The following RNF144A variants were observed in gnomAD, a reference collection of about 807,000 sequenced individuals.
The protein encoded by RNF144A is E3 ubiquitin-protein ligase RNF144A.
RNF144A carries 11 observed loss-of-function variants against 38.7 expected under a neutral mutation model. That is an observed-to-expected ratio of 0.28 (90% CI 0.18 to 0.47). RNF144A has a LOEUF of 0.47. Among genes scored for constraint, RNF144A ranks in the 20% least tolerant of loss-of-function variants. The probability of loss-of-function intolerance (pLI) is 0.99; values close to 1 mark genes in which losing one functional copy is unlikely to be tolerated. For synonymous variants in RNF144A, 149 were observed against 143.9 expected (o/e 1.04, Z -0.25); for missense variants, 316 against 377.2 (o/e 0.84, Z 1.34).
At chr2:6,984,942 G>C (rs1214057996) in intron 2 of RNF144A, among the ~76,000 whole-genome samples, 1 of 152,156 alleles carries the variant, frequency 6.6e-6, no homozygotes, top group African/African-American at 2.4e-5. Context: ...TCCCTCACTG[G>C]AAATGTAAAG....
chr2:6,985,132 A>G (rs1213781276), intron 2 of RNF144A, among the ~76,000 whole-genome samples: 2 of 152,236 alleles, frequency 1.3e-5, no homozygotes, highest in East Asian at 3.8e-4. Flanking sequence ...TTTGAAATAC[A>G]TAATTTTCTG....
intron 2 of RNF144A, among the ~76,000 whole-genome samples, chr2:6,974,879 A>G (rs575655790): frequency 6.6e-6 from 1 of 152,368 alleles, no homozygotes; most frequent in African/African-American, 2.4e-5. Flanking sequence ...GGTAATTTAT[A>G]CAATACTAAA....
the RNF144A span, among the ~76,000 whole-genome samples, chr2:7,074,253 G>A: frequency 6.6e-6 from 1 of 152,102 alleles, no homozygotes; most frequent in Non-Finnish European, 1.5e-5. Flanking sequence ...CTTACCACCA[G>A]GGCATGATAA....
chr2:7,056,501 C>G (rs309280), intron 6 of RNF144A, among the ~76,000 whole-genome samples: 42,102 of 152,082 alleles, frequency 0.28, 6,859 homozygotes, highest in South Asian at 0.43. Flanking sequence ...GTACTTCAGC[C>G]ACACACCAAC....
intron 2 of RNF144A, among the ~76,000 whole-genome samples, chr2:6,948,748 T>G (rs369020015): frequency 7.9e-5 from 12 of 152,178 alleles, no homozygotes; most frequent in African/African-American, 2.9e-4. Flanking sequence ...AGGATCCAGA[T>G]GGGTGTGGGC....
At chr2:7,015,212 T>C (rs1671059270) in intron 5 of RNF144A, among the ~76,000 whole-genome samples, 1 of 152,204 alleles carries the variant, frequency 6.6e-6, no homozygotes, top group Non-Finnish European at 1.5e-5. Context: ...AGTCCGATGG[T>C]AGGTGTCCTG....
intron 3 of RNF144A, among the ~76,000 whole-genome samples, chr2:7,013,417 C>T (rs114252989): frequency 0.023 from 3,546 of 152,280 alleles, 132 homozygotes; most frequent in African/African-American, 0.081. Flanking sequence ...GATGTCAGCT[C>T]AGCAAACATA....
intron 2 of RNF144A, among the ~76,000 whole-genome samples, chr2:6,980,505 T>C (rs1008792641): frequency 4.6e-5 from 7 of 152,260 alleles, no homozygotes; most frequent in Non-Finnish European, 8.8e-5. Flanking sequence ...TCATTACATC[T>C]TAAAGCTCCA....
chr2:7,067,194 T>G (rs1159164470), intron 6 of RNF144A, among the ~76,000 whole-genome samples: 2 of 152,252 alleles, frequency 1.3e-5, no homozygotes, highest in African/African-American at 4.8e-5. Flanking sequence ...CACACTGGAC[T>G]GGATCCTGAA....
chr2:6,925,852 T>G (rs1480747351), intron 1 of RNF144A, among the ~76,000 whole-genome samples: 4 of 152,168 alleles, frequency 2.6e-5, no homozygotes, highest in Admixed American at 2.6e-4. Flanking sequence ...GGAGACATGA[T>G]TCAACACACA....
intron 6 of RNF144A, 75 bp downstream of exon 6, chr2:7,020,755 A>C: frequency 7.1e-7 from 1 of 1,405,584 alleles, no homozygotes; most frequent in Non-Finnish European, 9.9e-7. Context: ...TCTTCCTAAA[A>C]GTGCTGTTAC....
chr2:7,002,869 T>TTAC (rs1210142099), intron 3 of RNF144A, among the ~76,000 whole-genome samples: 1 of 152,168 alleles, frequency 6.6e-6, no homozygotes. Context: ...CTCCATGGTG[T>TTAC]TACTGCCCCT....
rs1028469854 is a variant in RNF144A at position 7,043,771 on chromosome 2, G to A, written c.*4011G>A. 14 of 985,650 alleles carry A rather than the reference G, an allele frequency of 1.4e-5. No individual in the cohort carries two copies. Among genetic ancestry groups the A allele is most frequent in the Admixed American group, 1.2e-4 (2 of 16,258 alleles). 61.1% of individuals were successfully genotyped at this position (985,650 alleles called of 1,614,324 possible). A position where few individuals can be genotyped will look rare whatever the true frequency, so the allele number is the denominator to read the frequency against. ...GTGCAATTCTGTCTTCCACAGTTCC[G>A]GAGCCTTCAGTGAGGGGTAGCTACA... On this transcript the variant is annotated 3_prime_UTR_variant, in exon 9 of 9. Coordinates refer to ENST00000320892, the MANE Select transcript of RNF144A (RefSeq NM_014746.6).
chr2:7,009,176 G>A (rs1670639758), intron 3 of RNF144A, among the ~76,000 whole-genome samples: 1 of 152,230 alleles, frequency 6.6e-6, no homozygotes, highest in African/African-American at 2.4e-5. Context: ...TTGTGCATAG[G>A]TAGAATGAGG....
intron 3 of RNF144A, among the ~76,000 whole-genome samples, chr2:7,010,420 C>A (rs1670725045): frequency 1.3e-5 from 2 of 152,176 alleles, no homozygotes; most frequent in African/African-American, 2.4e-5. Flanking sequence ...TCGTGGATCC[C>A]AGATAAGCAC....
chr2:6,957,259 G>A (rs75112584), intron 2 of RNF144A, among the ~76,000 whole-genome samples: 3,029 of 152,268 alleles, frequency 0.02, 97 homozygotes, highest in African/African-American at 0.07. Flanking sequence ...GGCTTTACCC[G>A]CTACATGTGG....
intron 6 of RNF144A, among the ~76,000 whole-genome samples, chr2:7,067,754 C>A (rs1674293054): frequency 6.6e-6 from 1 of 152,226 alleles, no homozygotes; most frequent in Non-Finnish European, 1.5e-5. Flanking sequence ...TGTAGCCAGT[C>A]ACCTGAAGCT....
rs1673094810 is a variant in RNF144A, at chr2:7,042,322, G to C, written c.*2562G>C. 5 of 985,302 alleles carry C rather than the reference G, an allele frequency of 5.1e-6. No homozygotes were observed. The highest frequency in any genetic ancestry group is 6.0e-6 in the Non-Finnish European group (5 of 829,938). The allele number at this position is 985,302 out of a possible 1,614,324, so 61.0% of individuals were successfully genotyped here. A position where few individuals can be genotyped will look rare whatever the true frequency, so the allele number is the denominator to read the frequency against. On this transcript the variant is annotated 3_prime_UTR_variant, in exon 9 of 9. Transcript: ENST00000320892. ...TTGCCATCATTCCCCAGTAAAACCT[G>C]GGGAGTTCTGCGTTGAGTGGACGGA...
chr2:6,923,977 T>A (rs1489229056), intron 1 of RNF144A, among the ~76,000 whole-genome samples: 1 of 152,206 alleles, frequency 6.6e-6, no homozygotes, highest in Non-Finnish European at 1.5e-5. Context: ...TGTTAAGTGA[T>A]TGAATACAAG....
Sources: allele counts gnomAD v4.1 joint callset (sites outside exome capture counted in the v4.1 genomes callset), GRCh38; gene constraint gnomAD v4.1.1; transcripts MANE v1.5; gene names NCBI Gene and HGNC (gene_info 2026-07-23, HGNC 2026-07-21).